FRAS1: variants seen among roughly 807,000 people sequenced by gnomAD.
FRAS1 encodes the protein extracellular matrix organizing protein FRAS1.
Under a neutral mutation model 435.2 loss-of-function variants are expected in FRAS1, and 290 were observed. That is an observed-to-expected ratio of 0.67 (90% confidence interval 0.61 to 0.73). The LOEUF is 0.73. FRAS1 is among the 30% of genes least tolerant of loss of function. The pLI is 0.00. For missense variants in FRAS1, 4,860 were observed against 5,001.5 expected (o/e 0.97, Z 0.85); for synonymous variants, 1,800 against 1,851.0 (o/e 0.97, Z 0.71).
intron 30 of FRAS1, among the ~76,000 whole-genome samples, chr4:78,407,227 C>A (rs1171012326): frequency 6.6e-6 from 1 of 152,150 alleles, no homozygotes; most frequent in African/African-American, 2.4e-5. Context: ...AAATTTTCCA[C>A]TGAATTGTTT....
chr4:78,201,862 G>A (rs1183744048), intron 2 of FRAS1, among the ~76,000 whole-genome samples: 1 of 152,102 alleles, frequency 6.6e-6, no homozygotes, highest in Non-Finnish European at 1.5e-5. Flanking sequence ...AAGAAGAAAA[G>A]AAAATAAATA....
At chr4:78,416,566 G>A (rs1733564289) in intron 32 of FRAS1, among the ~76,000 whole-genome samples, 2 of 152,128 alleles carry the variant, frequency 1.3e-5, no homozygotes, top group South Asian at 2.1e-4. Context: ...GATCAGGAAT[G>A]TACAAGGACT....
At chr4:78,196,112 A>G (rs1221878728) in intron 2 of FRAS1, among the ~76,000 whole-genome samples, 2 of 152,008 alleles carry the variant, frequency 1.3e-5, no homozygotes, top group African/African-American at 4.8e-5. Context: ...GGTTCATGCC[A>G]TTCTCCTGCC....
chr4:78,265,202 T>TG (rs1264828229), intron 7 of FRAS1, 94 bp downstream of exon 7: 2 of 686,040 alleles, frequency 2.9e-6, no homozygotes, highest in African/African-American at 3.6e-5. Flanking sequence ...ACCACCCTCA[T>TG]GTCTGACTCT....
chr4:78,392,093 G>C (rs1208436529), intron 29 of FRAS1, among the ~76,000 whole-genome samples: 1 of 152,022 alleles, frequency 6.6e-6, no homozygotes, highest in Non-Finnish European at 1.5e-5. Context: ...CATGGAGCAA[G>C]GGTTCTATAT....
chr4:78,398,758 G>A (rs181847767), intron 29 of FRAS1, among the ~76,000 whole-genome samples: 274 of 152,294 alleles, frequency 1.8e-3, no homozygotes, highest in African/African-American at 6.5e-3. Flanking sequence ...GCCGAGGCAG[G>A]CAGATCACAA....
At chr4:78,313,846 AAGGAAC>A in intron 15 of FRAS1, among the ~76,000 whole-genome samples, 1 of 152,246 alleles carries the variant, frequency 6.6e-6, no homozygotes, top group South Asian at 2.1e-4. Context: ...GAGTCCTTTA[AAGGAAC>A]AGTTTATAAT....
At position 78,252,608 on chromosome 4, in the gene FRAS1, C is replaced by T. The variant is rs967527744; in HGVS notation, c.469+57C>T. ...TTGCTTGGGAGGTTCACATGGCTAT[C>T]GGGGGAACCAGCCCTCAATATTTCA... On this transcript the variant is annotated intron_variant, in intron 5 of 73. Transcript: ENST00000512123. 2.5e-5 allele frequency: 37 copies of T among 1,483,558 alleles called. 1 individual carries two copies. The highest frequency in any genetic ancestry group is 1.8e-4 in the Middle Eastern group (1 of 5,632). 91.9% of individuals were successfully genotyped at this position (1,483,558 alleles called of 1,614,324 possible).
At chr4:78,091,152 AT>A (rs112311160) in intron 2 of FRAS1, among the ~76,000 whole-genome samples, 3,940 of 149,064 alleles carry the variant, frequency 0.026, 111 homozygotes, top group South Asian at 0.094. Context: ...GTTTAGATGC[AT>A]TTTTTTTTTA....
chr4:78,370,194 C>G (rs1162671397), intron 23 of FRAS1, among the ~76,000 whole-genome samples: 1 of 152,166 alleles, frequency 6.6e-6, no homozygotes, highest in Non-Finnish European at 1.5e-5. Flanking sequence ...CTATTTGTGT[C>G]AGATGTTGTG....
At chr4:78,297,592 C>T (rs1728192943) in intron 14 of FRAS1, among the ~76,000 whole-genome samples, 1 of 151,986 alleles carries the variant, frequency 6.6e-6, no homozygotes, top group Non-Finnish European at 1.5e-5. Flanking sequence ...AAATGAGTTG[C>T]TCAAGAAGCC....
intron 15 of FRAS1, among the ~76,000 whole-genome samples, chr4:78,312,879 G>GAGAGAGAA (rs143465313): frequency 0.061 from 7,875 of 128,452 alleles, 297 homozygotes; most frequent in Admixed American, 0.081. Flanking sequence ...GAGAGAGAGA[G>GAGAGAGAA]AGAAAGAAAG....
rs186855595 is a variant in FRAS1, at chr4:78,115,147, G to A, written c.108+49131G>A. ...AGATTACGTTTATTGATTTTTGTAT[G>A]TTGAACCAGCCTTGCATCCCAGGGA... On this transcript the variant is annotated intron_variant, in intron 2 of 73. Coordinates refer to ENST00000512123, the MANE Select transcript of FRAS1 (RefSeq NM_025074.7). Among the ~76,000 whole-genome samples, 328 of 151,354 alleles carry A rather than the reference G, an allele frequency of 2.2e-3. 1 individual carries two copies. Among genetic ancestry groups the A allele is most frequent in the Middle Eastern group, 6.8e-3 (2 of 292 alleles).
chr4:78,215,222 A>G (rs1338735782), intron 2 of FRAS1, among the ~76,000 whole-genome samples: 1 of 151,840 alleles, frequency 6.6e-6, no homozygotes, highest in African/African-American at 2.4e-5. Context: ...TTTGAGATGG[A>G]GTCTTGCTCT....
chr4:78,083,893 G>T (rs1303077301), intron 2 of FRAS1, among the ~76,000 whole-genome samples: 1 of 151,990 alleles, frequency 6.6e-6, no homozygotes, highest in Non-Finnish European at 1.5e-5. Context: ...TCACTATTTA[G>T]ATGGAGCTAT....
At chr4:78,487,257 T>C (rs1277980080) in intron 58 of FRAS1, among the ~76,000 whole-genome samples, 1 of 152,254 alleles carries the variant, frequency 6.6e-6, no homozygotes, top group Non-Finnish European at 1.5e-5. Flanking sequence ...TGACTTTTCA[T>C]TTAGTAATGA....
At position 78,177,950 on chromosome 4, in the gene FRAS1, G is replaced by A. The variant is rs118191937; in HGVS notation, c.109-59560G>A. Among the ~76,000 whole-genome samples the A allele has an allele frequency of 1.1e-4, 16 of 152,196 alleles. No homozygotes were observed. In the East Asian group the frequency reaches 2.9e-3, roughly 28 times the overall value. On this transcript the variant is annotated intron_variant, in intron 2 of 73. Coordinates refer to ENST00000512123, the MANE Select transcript of FRAS1 (RefSeq NM_025074.7). ...CATAGCAAATTTCCGCAAACTGGGTGACTTAAAAAAATTAGAAAGTTATTC... is the reference window on the plus strand; with the variant it reads ...CATAGCAAATTTCCGCAAACTGGGTAACTTAAAAAAATTAGAAAGTTATTC...
chr4:78,138,838 T>C (rs72654664), intron 2 of FRAS1, among the ~76,000 whole-genome samples: 1,705 of 152,326 alleles, frequency 0.011, 13 homozygotes, highest in Middle Eastern at 0.017. Flanking sequence ...TAAGTTGCTA[T>C]TATACTGTAG....
intron 2 of FRAS1, among the ~76,000 whole-genome samples, chr4:78,221,154 C>A (rs1052880072): frequency 6.6e-6 from 1 of 152,060 alleles, no homozygotes; most frequent in South Asian, 2.1e-4. Flanking sequence ...GGCGACATAG[C>A]CAGACTCTCT....
Sources: gnomAD v4.1 joint callset for allele counts (sites outside exome capture counted in the v4.1 genomes callset) on GRCh38, gnomAD v4.1.1 for gene constraint, MANE v1.5 for transcripts, NCBI Gene and HGNC (gene_info 2026-07-23, HGNC 2026-07-21) for gene names.